AP2B1: variants seen among roughly 807,000 people sequenced by gnomAD.
AP2B1 encodes the protein AP-2 complex subunit beta.
Under a neutral mutation model 102.0 loss-of-function variants are expected in AP2B1, and 23 were observed. That is an observed-to-expected ratio of 0.23 (90% CI 0.16 to 0.32). The LOEUF is 0.32. Ranked by LOEUF, AP2B1 falls within the 10% of genes least tolerant of loss-of-function variation. AP2B1 has a pLI of 1.00. For missense variants in AP2B1, 541 were observed against 1,157.4 expected (o/e 0.47, Z 7.73); for synonymous variants, 381 against 421.2 (o/e 0.90, Z 1.17).
chr17:35,694,704 T>C (rs2076107404), intron 18 of AP2B1, among the ~76,000 whole-genome samples: 1 of 152,096 alleles, frequency 6.6e-6, no homozygotes, highest in Non-Finnish European at 1.5e-5. Context: ...GGCAAAACTC[T>C]GTCTCTGTCT....
intron 13 of AP2B1, chr17:35,651,106 C>G (rs1473660101): frequency 7.8e-6 from 2 of 256,226 alleles, no homozygotes; most frequent in East Asian, 8.9e-5. Flanking sequence ...TTGCTTAAGT[C>G]TGCAGTAAGA....
intron 2 of AP2B1, among the ~76,000 whole-genome samples, chr17:35,596,267 T>C (rs1481506282): frequency 6.6e-6 from 1 of 152,180 alleles, no homozygotes; most frequent in African/African-American, 2.4e-5. Flanking sequence ...AGAGGAACTC[T>C]AAGAGCTGGA....
At chr17:35,610,436 C>T (rs1045646381) in intron 5 of AP2B1, among the ~76,000 whole-genome samples, 2 of 151,630 alleles carry the variant, frequency 1.3e-5, no homozygotes, top group Non-Finnish European at 1.5e-5. Context: ...CATGAGCCAT[C>T]ACACCCAGCC....
At chr17:35,686,943 C>CTCCA (rs1286441599) in intron 18 of AP2B1, among the ~76,000 whole-genome samples, 7 of 152,144 alleles carry the variant, frequency 4.6e-5, no homozygotes, top group African/African-American at 1.7e-4. Flanking sequence ...CGCCACTGCA[C>CTCCA]TCCAGCCTGG....
At chr17:35,640,229 T>TA (rs2142730291) in intron 11 of AP2B1, among the ~76,000 whole-genome samples, 1 of 26,158 alleles carries the variant, frequency 3.8e-5, no homozygotes, top group African/African-American at 3.6e-4. Context: ...TTTTACTGAT[T>TA]TTTTTTTTTT....
intron 18 of AP2B1, among the ~76,000 whole-genome samples, chr17:35,694,284 C>G (rs1224184423): frequency 2.0e-5 from 3 of 151,864 alleles, no homozygotes; most frequent in African/African-American, 7.3e-5. Flanking sequence ...TGCTCAACTT[C>G]CCACGTTGGA....
At position 35,694,435 on chromosome 17, in the gene AP2B1, A is replaced by ATTTTTTTTTTTTTT. The variant is rs2076101194; in HGVS notation, c.2454+11617_2454+11618insTTTTTTTTTTTTTT. 1.0e-4 allele frequency among the ~76,000 whole-genome samples: 8 copies of ATTTTTTTTTTTTTT among 80,004 alleles called. 1 individual carries two copies. The highest frequency in any genetic ancestry group is 8.7e-5 in the African/African-American group (2 of 23,012). 52.5% of individuals were successfully genotyped at this position (80,004 alleles called of 152,430 possible). A position where few individuals can be genotyped will look rare whatever the true frequency, so the allele number is the denominator to read the frequency against. On this transcript the variant is annotated intron_variant, in intron 18 of 21. Transcript: ENST00000610402. The stretch of plus-strand genomic sequence containing the variant: ...ACTTTTTTTTTTTTTTAATTTTTTA[A>ATTTTTTTTTTTTTT]TTTTTTGTAGAGTTGAGGTCTGGCT...
intron 18 of AP2B1, among the ~76,000 whole-genome samples, chr17:35,696,205 G>T (rs2076138658): frequency 6.6e-6 from 1 of 151,988 alleles, no homozygotes; most frequent in Non-Finnish European, 1.5e-5. Flanking sequence ...GCCACCTCAT[G>T]ACCTTTTAAT....
chr17:35,633,508 T>C (rs945259432), intron 9 of AP2B1, among the ~76,000 whole-genome samples: 2 of 152,208 alleles, frequency 1.3e-5, no homozygotes, highest in East Asian at 3.8e-4. Context: ...AAAGATCTTA[T>C]TACAGAAATT....
chr17:35,685,053 G>A (rs2142994758), intron 18 of AP2B1, among the ~76,000 whole-genome samples: 1 of 152,298 alleles, frequency 6.6e-6, no homozygotes, highest in South Asian at 2.1e-4. Context: ...GAACTAGCAA[G>A]TTTTAATTTT....
intron 2 of AP2B1, chr17:35,597,203 G>A: frequency 2.3e-6 from 1 of 433,034 alleles, no homozygotes; most frequent in Non-Finnish European, 4.3e-6. Context: ...TGAAGGTGGA[G>A]GAAAGTCTTT....
intron 14 of AP2B1, among the ~76,000 whole-genome samples, chr17:35,664,544 A>G (rs1333645379): frequency 6.6e-6 from 1 of 152,232 alleles, no homozygotes; most frequent in Non-Finnish European, 1.5e-5. Context: ...TTTCCCTAAT[A>G]AAATGATTCA....
chr17:35,671,880 G>A lies in AP2B1; in HGVS notation c.2158G>A (p.Gly720Arg). 1 of 1,614,076 alleles carries A rather than the reference G, an allele frequency of 6.2e-7. No homozygotes were observed. Among genetic ancestry groups the A allele is most frequent in the Non-Finnish European group, 8.5e-7 (1 of 1,179,964 alleles). Residue 720 changes from glycine (G) to arginine (R), a missense_variant, in exon 16 of 22, where the codon GGA (glycine) becomes AGA (arginine). Around this residue, in one of 10 missense-constraint regions of AP2B1, gnomAD observed 62 missense variants for 87.6 expected, o/e 0.71. Coordinates refer to ENST00000610402, the MANE Select transcript of AP2B1 (RefSeq NM_001030006.2). ...CACAGGGATAGGCATGGCACCTGGT[G>A]GATATGTGGCTCCTAAGGCTGTAAG... is the stretch of plus-strand genomic sequence containing the variant. ...LSTGIGMAPG[G>R]YVAPKAVWLP...
intron 17 of AP2B1, among the ~76,000 whole-genome samples, chr17:35,678,145 G>C (rs2075742118): frequency 6.6e-6 from 1 of 152,130 alleles, no homozygotes; most frequent in Non-Finnish European, 1.5e-5. Flanking sequence ...ACAGGTGTGA[G>C]TCACTGGGCC....
chr17:35,704,434 A>C (rs587752013), intron 18 of AP2B1, among the ~76,000 whole-genome samples: 8 of 152,298 alleles, frequency 5.3e-5, no homozygotes, highest in Non-Finnish European at 1.2e-4. Flanking sequence ...AAATGTTGAG[A>C]AACACAGTGT....
At chr17:35,717,394 G>A (rs1412076502) in intron 21 of AP2B1, 45 bp downstream of exon 21, 4 of 1,607,556 alleles carry the variant, frequency 2.5e-6, no homozygotes, top group Non-Finnish European at 3.4e-6. Context: ...GAGGAGGGAG[G>A]TGAGAGCCCT....
chr17:35,644,373 C>T (rs1382633628), intron 12 of AP2B1, among the ~76,000 whole-genome samples: 2 of 152,052 alleles, frequency 1.3e-5, no homozygotes. Context: ...TAATAAGCAA[C>T]TTCTCGAGGC....
intron 13 of AP2B1, among the ~76,000 whole-genome samples, chr17:35,655,153 T>C (rs1030924462): frequency 6.6e-5 from 10 of 152,346 alleles, no homozygotes; most frequent in Middle Eastern, 3.4e-3. Flanking sequence ...ATGTTACTTA[T>C]ATTAACATTA....
At chr17:35,683,516 T>C (rs1054081204) in intron 18 of AP2B1, among the ~76,000 whole-genome samples, 1 of 152,254 alleles carries the variant, frequency 6.6e-6, no homozygotes, top group Non-Finnish European at 1.5e-5. Context: ...AGCACCTATC[T>C]ATGATAAGTA....
Sources: allele counts gnomAD v4.1 joint callset (sites outside exome capture counted in the v4.1 genomes callset), GRCh38; gene constraint gnomAD v4.1.1; regional missense constraint gnomAD v4.1.1; transcripts MANE v1.5; gene names NCBI Gene and HGNC (gene_info 2026-07-23, HGNC 2026-07-21).